The following SLC43A2 variants were observed in gnomAD, a reference collection of about 807,000 sequenced individuals.
SLC43A2 encodes the protein large neutral amino acids transporter small subunit 4.
SLC43A2 carries 38 observed loss-of-function variants against 63.2 expected under a neutral mutation model. That is an observed-to-expected ratio of 0.60 (90% confidence interval 0.46 to 0.79). The LOEUF (loss-of-function observed/expected upper bound fraction) is 0.79. SLC43A2 is among the 30% of genes least tolerant of loss of function. SLC43A2 has a pLI of 0.00. For synonymous variants in SLC43A2, 322 were observed against 331.0 expected, an observed-to-expected ratio of 0.97 and a Z score of 0.30; for missense variants, 644 against 756.2, an observed-to-expected ratio of 0.85 and a Z score of 1.74.
At chr17:1,600,082 A>G (rs1433318666) in intron 5 of SLC43A2, among the ~76,000 whole-genome samples, 2 of 133,970 alleles carry the variant, frequency 1.5e-5, no homozygotes, top group Admixed American at 8.2e-5. Flanking sequence ...CTTTTTTTCT[A>G]TGGGGATGTT....
rs2075956489 is a variant in SLC43A2, at chr17:1,577,751, G to C, written c.1424+499C>G. 6.6e-6 allele frequency among the ~76,000 whole-genome samples: 1 copy of C among 152,222 alleles called. No homozygotes were observed. The highest frequency in any genetic ancestry group is 1.5e-5 in the Non-Finnish European group (1 of 68,042). On this transcript the variant is annotated intron_variant, in intron 12 of 13. Transcript: ENST00000301335. This position sits in a 1 kb window ranked among gnomAD's most constrained non-coding sequence, Gnocchi z 4.9. ...GGAAAAAGATACAGGTTTCATTTTAGCCAGGGCTGGAGAAAGCTATGGCCA... is the reference window on the plus strand; with the variant it reads ...GGAAAAAGATACAGGTTTCATTTTACCCAGGGCTGGAGAAAGCTATGGCCA...
Position 1,605,392 on chromosome 17 carries a change from G to A in SLC43A2, c.501+7803C>T. ...CCTGCAGGGCCAAGGCCCTGGGACA[G>A]TGCGGGCGCGGGAGCTTCTCTAAGA... On this transcript the variant is annotated intron_variant, in intron 5 of 13. Coordinates refer to ENST00000301335, the MANE Select transcript of SLC43A2 (RefSeq NM_152346.3). This position sits in a 1 kb window ranked among gnomAD's most constrained non-coding sequence, Gnocchi z 4.9. 8.6e-6 allele frequency: 2 copies of A among 232,092 alleles called. No individual in the cohort carries two copies. Among genetic ancestry groups the A allele is most frequent in the Non-Finnish European group, 1.4e-5 (2 of 140,144 alleles). 14.4% of individuals were successfully genotyped at this position (232,092 alleles called of 1,614,324 possible).
chr17:1,602,377 G>A (rs1289715070), intron 5 of SLC43A2, among the ~76,000 whole-genome samples: 2 of 152,116 alleles, frequency 1.3e-5, no homozygotes, highest in Non-Finnish European at 2.9e-5. Flanking sequence ...CGGGCACGGT[G>A]GCTCACACCT....
Position 1,569,640 on chromosome 17 carries a change from T to TGTATGAG in SLC43A2, c.*5957_*5963dup. ...ACAGTCAGAGGCACGGTCCCGCAGC[T>TGTATGAG]GTATGAGGATGCGGTGTACAGGTGC... is the stretch of plus-strand genomic sequence containing the variant. On this transcript the variant is annotated 3_prime_UTR_variant, in exon 14 of 14. Coordinates refer to ENST00000301335, the MANE Select transcript of SLC43A2 (RefSeq NM_152346.3). 1 of 152,324 alleles carries TGTATGAG rather than the reference T, an allele frequency of 6.6e-6. No homozygotes were observed. Among genetic ancestry groups the TGTATGAG allele is most frequent in the South Asian group, 2.1e-4 (1 of 4,820 alleles). 9.4% of individuals were successfully genotyped at this position (152,324 alleles called of 1,614,324 possible).
intron 2 of SLC43A2, among the ~76,000 whole-genome samples, chr17:1,624,496 A>C (rs1385652683): frequency 1.3e-5 from 2 of 152,034 alleles, no homozygotes; most frequent in Non-Finnish European, 2.9e-5. Flanking sequence ...TGAGGTCAGG[A>C]GTTCGAGACC....
rs1252936973 is a variant in SLC43A2 at position 1,570,070 on chromosome 17, T to C, written c.*5534A>G. ...GCCCAGCTAATTTTTTTTTTTCGTATTTTTAGTAGAGATGGGGTTTCACTG... is the reference window on the plus strand; with the variant it reads ...GCCCAGCTAATTTTTTTTTTTCGTACTTTTAGTAGAGATGGGGTTTCACTG... On this transcript the variant is annotated 3_prime_UTR_variant, in exon 14 of 14. Coordinates refer to ENST00000301335, the MANE Select transcript of SLC43A2 (RefSeq NM_152346.3). The C allele has an allele frequency of 6.6e-6, 1 of 151,138 alleles. No individual in the cohort carries two copies. Among genetic ancestry groups the C allele is most frequent in the African/African-American group, 2.4e-5 (1 of 41,066 alleles). The allele number at this position is 151,138 out of a possible 1,614,324, so 9.4% of individuals were successfully genotyped here.
At chr17:1,621,985 C>T (rs918608846) in intron 2 of SLC43A2, among the ~76,000 whole-genome samples, 3 of 152,196 alleles carry the variant, frequency 2.0e-5, no homozygotes, top group Admixed American at 1.3e-4. Flanking sequence ...CCACGAGGTC[C>T]CTGAGAGCCA....
In SLC43A2 at chr17:1,583,435, C is replaced by T. The variant is rs938638879; in HGVS notation, c.1218-99G>A. On this transcript the variant is annotated intron_variant, in intron 10 of 13. Transcript: ENST00000301335. The surrounding 1 kb of genome is among the most constrained non-coding windows in gnomAD (Gnocchi z 5.5). ...TCAAGCGTCGCAGCAGGTAAACTGA[C>T]GCAAGACTCAGAAGCCACCCAGGCA... 30 of 1,559,582 alleles carry T rather than the reference C, an allele frequency of 1.9e-5. No homozygotes were observed. The highest frequency in any genetic ancestry group is 4.7e-5 in the South Asian group (4 of 85,684).
chr17:1,588,595 G>A (rs1431318941), intron 9 of SLC43A2, among the ~76,000 whole-genome samples: 2 of 151,230 alleles, frequency 1.3e-5, no homozygotes, highest in African/African-American at 4.9e-5. Flanking sequence ...TACTTAGGAG[G>A]CCGAGGTGGG....
In SLC43A2 at chr17:1,575,651, G is replaced by C. The variant is rs778216979; in HGVS notation, c.1663C>G (p.Leu555Val). Residue 555 changes from leucine to valine, a missense_variant, in exon 14 of 14, where the codon CTC becomes GTC. By Grantham distance (32) the Leu-to-Val change is conservative. Coordinates refer to ENST00000301335, the MANE Select transcript of SLC43A2 (RefSeq NM_152346.3). ...GACGAGCCGTTGATTTTGAGGAAGA[G>C]TTTGTCATCCTCCTGCCTCTGCTGC... ...QLQQRQEDDK[L>V]FLKINGSSNQ... The C allele has an allele frequency of 3.7e-6, 6 of 1,614,014 alleles. No individual in the cohort carries two copies. In the South Asian group the frequency reaches 5.5e-5, roughly 15 times the overall value.
chr17:1,590,207 T>C (rs1904614701), intron 9 of SLC43A2, among the ~76,000 whole-genome samples: 1 of 152,090 alleles, frequency 6.6e-6, no homozygotes, highest in South Asian at 2.1e-4. Flanking sequence ...TCAAAACCTC[T>C]AATCAGCTGA....
chr17:1,615,428 TG>T (rs1461140565), intron 3 of SLC43A2, among the ~76,000 whole-genome samples: 4 of 151,764 alleles, frequency 2.6e-5, no homozygotes, highest in African/African-American at 9.7e-5. Flanking sequence ...TTTATATTTT[TG>T]TATATGTATT....
At chr17:1,576,530 C>A in intron 13 of SLC43A2, 67 bp downstream of exon 13, 4 of 1,532,844 alleles carry the variant, frequency 2.6e-6, no homozygotes, top group Admixed American at 2.0e-5. Flanking sequence ...CCGAGGGGGA[C>A]CTTGCAGCTC....
At chr17:1,584,891 C>T (rs1042327355) in intron 10 of SLC43A2, among the ~76,000 whole-genome samples, 1 of 152,144 alleles carries the variant, frequency 6.6e-6, no homozygotes. Context: ...CCATCCCTTA[C>T]ATAAAGTAGG....
intron 1 of SLC43A2, chr17:1,628,233 GAA>G (rs1908870671): frequency 5.2e-6 from 1 of 190,842 alleles, no homozygotes; most frequent in Admixed American, 6.1e-5. Context: ...CAGGGCCGTG[GAA>G]CTAGTCCTGG....
chr17:1,586,928 T>TAG, intron 9 of SLC43A2: 2 of 1,232,912 alleles, frequency 1.6e-6, no homozygotes, highest in Non-Finnish European at 2.2e-6. Context: ...TCCCTGACAA[T>TAG]CCCCCCCACC....
chr17:1,602,632 C>T (rs910830332), intron 5 of SLC43A2, among the ~76,000 whole-genome samples: 10 of 151,542 alleles, frequency 6.6e-5, no homozygotes, highest in African/African-American at 1.9e-4. Context: ...GGCGACAGAG[C>T]GAGACTCTTG....
chr17:1,618,029 C>T (rs111335051), intron 2 of SLC43A2, among the ~76,000 whole-genome samples: 4,528 of 152,290 alleles, frequency 0.03, 240 homozygotes, highest in African/African-American at 0.1. Context: ...GCTCTTCTTC[C>T]GGTAACTGCC....
intron 5 of SLC43A2, among the ~76,000 whole-genome samples, chr17:1,611,087 A>AC (rs1394180961): frequency 6.6e-6 from 1 of 150,806 alleles, no homozygotes; most frequent in Non-Finnish European, 1.5e-5. Context: ...ATGATCCACC[A>AC]CCCCCATCGG....
Sources: allele counts gnomAD v4.1 joint callset (sites outside exome capture counted in the v4.1 genomes callset), GRCh38; gene constraint gnomAD v4.1.1; non-coding constraint Gnocchi (gnomAD v3.1); transcripts MANE v1.5; gene names NCBI Gene and HGNC (gene_info 2026-07-23, HGNC 2026-07-21).